Variants in XKR4 observed in about 807,000 individuals in gnomAD.
The protein encoded by XKR4 is XK-related protein 4.
A neutral mutation model predicts 53.9 loss-of-function variants in XKR4; 12 were observed. The ratio of observed to expected loss-of-function variants is 0.22; its 90% CI spans 0.14 to 0.36. The LOEUF is 0.36. Ranked by LOEUF, XKR4 falls within the 10% of genes least tolerant of loss-of-function variation. XKR4 has a pLI of 1.00. For missense variants in XKR4, 799 were observed against 859.5 expected (o/e 0.93, Z 0.88); for synonymous variants, 354 against 362.4 (o/e 0.98, Z 0.26).
chr8:55,407,397 TTTTCAGTATCCCACTTGAGAATTACGGA>T (rs1804700197), intron 2 of XKR4, among the ~76,000 whole-genome samples: 3 of 152,206 alleles, frequency 2.0e-5, no homozygotes, highest in Non-Finnish European at 4.4e-5. Flanking sequence ...ATTAAAGCAA[TTTTCAGTATCCCACTTGAGAATTACGGA>T]CTTAGAAGAG....
In XKR4 at chr8:55,140,288, G is replaced by A. The variant is rs1045339596; in HGVS notation, c.806+36994G>A. The A allele has an allele frequency of 1.5e-5, 4 of 259,842 alleles. No individual in the cohort carries two copies. In the Admixed American group the frequency reaches 2.1e-4, roughly 14 times the overall value. The allele number at this position is 259,842 out of a possible 1,614,324, so 16.1% of individuals were successfully genotyped here. On this transcript the variant is annotated intron_variant, in intron 1 of 2. Transcript: ENST00000327381. ...TTAGGAAGGGAAGTGTGACAATTCA[G>A]GAATGTGGTGTTCATGGAAGTCTGT...
intron 2 of XKR4, among the ~76,000 whole-genome samples, chr8:55,463,567 T>C (rs1003530856): frequency 6.3e-4 from 96 of 151,960 alleles, no homozygotes; most frequent in Middle Eastern, 6.8e-3. Context: ...TTAAAAGAAC[T>C]AGAGAAGCAA....
chr8:55,330,061 A>T (rs901505016), intron 1 of XKR4, among the ~76,000 whole-genome samples: 17 of 152,286 alleles, frequency 1.1e-4, no homozygotes, highest in Admixed American at 3.9e-4. Flanking sequence ...AAATATAAGG[A>T]GTGTCATCAT....
chr8:55,499,035 C>A (rs1422426050), intron 2 of XKR4, among the ~76,000 whole-genome samples: 1 of 152,224 alleles, frequency 6.6e-6, no homozygotes, highest in Non-Finnish European at 1.5e-5. Flanking sequence ...ACATTTCAAT[C>A]AAACATAAGA....
intron 2 of XKR4, among the ~76,000 whole-genome samples, chr8:55,416,702 T>C (rs1325060476): frequency 6.6e-6 from 1 of 152,224 alleles, no homozygotes; most frequent in Non-Finnish European, 1.5e-5. Flanking sequence ...GTCAGCTCAT[T>C]TCCATCAATG....
intron 2 of XKR4, among the ~76,000 whole-genome samples, chr8:55,522,046 T>TGC (rs1806805182): frequency 6.6e-6 from 1 of 152,236 alleles, no homozygotes; most frequent in South Asian, 2.1e-4. Flanking sequence ...CCAGCTGCGA[T>TGC]GCAGATTGGC....
chr8:55,281,927 A>G (rs1818849199), intron 1 of XKR4, among the ~76,000 whole-genome samples: 1 of 152,206 alleles, frequency 6.6e-6, no homozygotes, highest in South Asian at 2.1e-4. Context: ...TTGGCAAAGT[A>G]ACTGTAGGAC....
Position 55,537,919 on chromosome 8 carries a change from G to A in XKR4, c.*13692G>A, listed in dbSNP as rs1807052135. On this transcript the variant is annotated 3_prime_UTR_variant, in exon 3 of 3. Coordinates refer to ENST00000327381, the MANE Select transcript of XKR4 (RefSeq NM_052898.2). The stretch of plus-strand genomic sequence containing the variant: ...CTTCATGTTACCAACAGGATGTTTA[G>A]TTGAATCAGCAACAAAGACGTGACA... 1 of 152,120 alleles carries A rather than the reference G, an allele frequency of 6.6e-6. No homozygotes were observed. The highest frequency in any genetic ancestry group is 2.4e-5 in the African/African-American group (1 of 41,426). The allele number at this position is 152,120 out of a possible 1,614,324, so 9.4% of individuals were successfully genotyped here.
intron 1 of XKR4, among the ~76,000 whole-genome samples, chr8:55,130,607 T>C (rs1816539791): frequency 6.6e-6 from 1 of 152,212 alleles, no homozygotes; most frequent in South Asian, 2.1e-4. Flanking sequence ...AGCCTCAGTT[T>C]GCAATGTCTG....
chr8:55,320,740 C>T (rs184279866), intron 1 of XKR4, among the ~76,000 whole-genome samples: 5 of 152,208 alleles, frequency 3.3e-5, no homozygotes, highest in East Asian at 3.9e-4. Flanking sequence ...ATTTGTCAAA[C>T]CCCAACTCAG....
chr8:55,165,501 C>T (rs201700981), intron 1 of XKR4, among the ~76,000 whole-genome samples: 1 of 151,664 alleles, frequency 6.6e-6, no homozygotes, highest in African/African-American at 2.4e-5. Context: ...CAAAAAGGGC[C>T]GCAAACTGAA....
At chr8:55,385,254 A>C (rs2129387957) in intron 2 of XKR4, among the ~76,000 whole-genome samples, 1 of 152,194 alleles carries the variant, frequency 6.6e-6, no homozygotes, top group Middle Eastern at 3.4e-3. Flanking sequence ...ACCCCACTTG[A>C]CAAATACCAC....
chr8:55,114,704 A>T (rs1447238879), intron 1 of XKR4, among the ~76,000 whole-genome samples: 1 of 152,128 alleles, frequency 6.6e-6, no homozygotes, highest in Non-Finnish European at 1.5e-5. Context: ...AACTGAGGGG[A>T]GGGCAGAGAG....
chr8:55,478,146 G>A (rs1159767050), intron 2 of XKR4, among the ~76,000 whole-genome samples: 1 of 152,152 alleles, frequency 6.6e-6, no homozygotes, highest in East Asian at 1.9e-4. Context: ...AGGGCAGCCA[G>A]AGAGAAAGGC....
At chr8:55,352,874 C>T (rs1803745664) in intron 1 of XKR4, among the ~76,000 whole-genome samples, 1 of 152,074 alleles carries the variant, frequency 6.6e-6, no homozygotes, top group African/African-American at 2.4e-5. Flanking sequence ...AATATAGTTA[C>T]CAGATGTAAG....
At chr8:55,371,551 T>C (rs968606354) in intron 2 of XKR4, among the ~76,000 whole-genome samples, 1 of 152,232 alleles carries the variant, frequency 6.6e-6, no homozygotes, top group Non-Finnish European at 1.5e-5. Context: ...AAACCACTAG[T>C]CTGCTTAATC....
rs143247126 is a variant in XKR4, at chr8:55,386,832, G to A, written c.1006+28955G>A. On this transcript the variant is annotated intron_variant, in intron 2 of 2. Transcript: ENST00000327381. ...TTGTTTTTAAACAGATTTTCATCTA[G>A]GAAGAAACTTCATTATAACATTTAT... Among the ~76,000 whole-genome samples, 323 of 152,224 alleles carry A rather than the reference G, an allele frequency of 2.1e-3. 1 individual carries two copies. The highest frequency in any genetic ancestry group is 0.02 in the Middle Eastern group (6 of 294).
rs1013595172 is a variant in XKR4 at position 55,527,748 on chromosome 8, C to T, written c.*3521C>T. The T allele has an allele frequency of 7.9e-5, 12 of 152,248 alleles. No individual in the cohort carries two copies. The highest frequency in any genetic ancestry group is 1.8e-4 in the Non-Finnish European group (12 of 68,002). The allele number at this position is 152,248 out of a possible 1,614,324, so 9.4% of individuals were successfully genotyped here. A position where few individuals can be genotyped will look rare whatever the true frequency, so the allele number is the denominator to read the frequency against. On this transcript the variant is annotated 3_prime_UTR_variant, in exon 3 of 3. Coordinates refer to ENST00000327381, the MANE Select transcript of XKR4 (RefSeq NM_052898.2). ...CAAATATAATAAATTCTCTTACTGA[C>T]ATGGCAAGAATATATAATTCAAGTA... is the stretch of plus-strand genomic sequence containing the variant.
chr8:55,210,422 A>G lies in XKR4; in HGVS notation c.806+107128A>G, dbSNP rs1412720879. ...CTTTAATTCTGGTCTTGTAATTTGC[A>G]TTTGTCTAGGTAGTTACCACACCTA... On this transcript the variant is annotated intron_variant, in intron 1 of 2. Transcript: ENST00000327381. Among the ~76,000 whole-genome samples, 3 of 152,104 alleles carry G rather than the reference A, an allele frequency of 2.0e-5. No homozygotes were observed. In the East Asian group the frequency reaches 5.8e-4, roughly 29 times the overall value.
Sources: allele counts gnomAD v4.1 joint callset (sites outside exome capture counted in the v4.1 genomes callset), GRCh38; gene constraint gnomAD v4.1.1; transcripts MANE v1.5; gene names NCBI Gene and HGNC (gene_info 2026-07-23, HGNC 2026-07-21).